Variants in PHKB observed in about 807,000 individuals in gnomAD.
PHKB encodes the protein phosphorylase kinase regulatory subunit beta, also known as phosphorylase b kinase regulatory subunit beta.
In PHKB, 122 loss-of-function variants were observed where a neutral mutation model predicts 152.1. That is an observed-to-expected ratio of 0.80 (90% CI 0.69 to 0.93). PHKB has a LOEUF of 0.93. Ranked by LOEUF, PHKB falls within the 40% of genes least tolerant of loss-of-function variation. PHKB has a pLI of 0.00. For synonymous variants in PHKB, 436 were observed against 464.9 expected, an observed-to-expected ratio of 0.94 and a Z score of 0.80; for missense variants, 1,304 against 1,328.4, an observed-to-expected ratio of 0.98 and a Z score of 0.29.
chr16:47,569,133 A>G (rs1271122064), intron 7 of PHKB, among the ~76,000 whole-genome samples: 1 of 152,120 alleles, frequency 6.6e-6, no homozygotes, highest in Non-Finnish European at 1.5e-5. Flanking sequence ...GTCTCCTACT[A>G]TTATTGTCTT....
At chr16:47,687,401 C>G (rs963524135) in intron 26 of PHKB, among the ~76,000 whole-genome samples, 4 of 152,140 alleles carry the variant, frequency 2.6e-5, no homozygotes, top group Admixed American at 1.3e-4. Flanking sequence ...TTGCTAAATA[C>G]AGTCAATAAG....
rs1248013100 is a variant in PHKB at position 47,644,174 on chromosome 16, A to G, written c.1608+2482A>G. ...CATTTATTTCTGAAAATTTGAAACT[A>G]TTAATATATGAGGGAAAGGGGGCTG... On this transcript the variant is annotated intron_variant, in intron 16 of 30. Transcript: ENST00000323584. 2.0e-5 allele frequency among the ~76,000 whole-genome samples: 3 copies of G among 152,186 alleles called. No homozygotes were observed. In the East Asian group the frequency reaches 5.8e-4, roughly 29 times the overall value.
At chr16:47,543,127 G>T (rs1201571725) in intron 6 of PHKB, among the ~76,000 whole-genome samples, 1 of 152,134 alleles carries the variant, frequency 6.6e-6, no homozygotes, top group East Asian at 1.9e-4. Flanking sequence ...GTGTGATATT[G>T]GCTGTGGGTT....
chr16:47,579,088 C>T (rs1971798591), intron 7 of PHKB, among the ~76,000 whole-genome samples: 1 of 152,014 alleles, frequency 6.6e-6, no homozygotes, highest in African/African-American at 2.4e-5. Flanking sequence ...GCCTTCTACC[C>T]ATGTTTCTAA....
intron 30 of PHKB, among the ~76,000 whole-genome samples, chr16:47,698,854 A>G (rs1349145190): frequency 6.6e-6 from 1 of 152,118 alleles, no homozygotes; most frequent in Non-Finnish European, 1.5e-5. Context: ...AAAATGTTTT[A>G]TCAGAGAGGA....
intron 6 of PHKB, among the ~76,000 whole-genome samples, chr16:47,546,086 A>G (rs566735671): frequency 1.1e-4 from 17 of 152,296 alleles, no homozygotes; most frequent in African/African-American, 3.6e-4. Context: ...TCTGAAGCCT[A>G]CTTCTTTGAA....
At chr16:47,491,967 A>T (rs1290295586) in intron 1 of PHKB, among the ~76,000 whole-genome samples, 1 of 152,176 alleles carries the variant, frequency 6.6e-6, no homozygotes, top group African/African-American at 2.4e-5. Context: ...TTAATACCTG[A>T]CTTTAGCCAG....
At chr16:47,476,075 GC>G (rs1969863150) in intron 1 of PHKB, among the ~76,000 whole-genome samples, 1 of 151,726 alleles carries the variant, frequency 6.6e-6, no homozygotes, top group African/African-American at 2.4e-5. Context: ...TTGCTATGTT[GC>G]CCAAGCTGGT....
chr16:47,509,280 A>G (rs1407014481), intron 4 of PHKB, among the ~76,000 whole-genome samples: 2 of 152,226 alleles, frequency 1.3e-5, no homozygotes, highest in Admixed American at 1.3e-4. Flanking sequence ...AGGGATAGTC[A>G]TCTTCTCTGA....
chr16:47,477,090 A>G (rs956398002), intron 1 of PHKB, among the ~76,000 whole-genome samples: 2 of 152,122 alleles, frequency 1.3e-5, no homozygotes, highest in African/African-American at 4.8e-5. Context: ...GGTGCACTCC[A>G]TAATCTTTTA....
chr16:47,693,427 A>G lies in PHKB; in HGVS notation c.2815A>G (p.Thr939Ala), dbSNP rs1460203480. 1.9e-6 allele frequency: 3 copies of G among 1,613,496 alleles called. No individual in the cohort carries two copies. Among genetic ancestry groups the G allele is most frequent in the South Asian group, 2.2e-5 (2 of 91,070 alleles). Residue 939 changes from threonine to alanine, a missense_variant, in exon 28 of 31, where the codon ACC becomes GCC. Thr to Ala is a moderately conservative substitution (Grantham distance 58, BLOSUM62 0). Coordinates refer to ENST00000323584, the MANE Select transcript of PHKB (RefSeq NM_000293.3). ...CGATGGGTCTTTGAATAGAACTCCCACCGGGTTCTATGACCGAGTGTGGCA... is the reference window on the plus strand; with the variant it reads ...CGATGGGTCTTTGAATAGAACTCCCGCCGGGTTCTATGACCGAGTGTGGCA... ...QIDGSLNRTP[T>A]GFYDRVWQIL...
chr16:47,521,091 AATTG>A (rs1295907238), intron 6 of PHKB, among the ~76,000 whole-genome samples: 1 of 152,148 alleles, frequency 6.6e-6, no homozygotes, highest in African/African-American at 2.4e-5. Flanking sequence ...GATTTTTATA[AATTG>A]ATCTTGTGTT....
At chr16:47,625,128 A>G (rs973563284) in intron 14 of PHKB, among the ~76,000 whole-genome samples, 14 of 152,124 alleles carry the variant, frequency 9.2e-5, no homozygotes, top group Non-Finnish European at 1.8e-4. Context: ...ACTTCACTAT[A>G]GTCCAGGTCA....
At chr16:47,522,272 G>T (rs1193361828) in intron 6 of PHKB, among the ~76,000 whole-genome samples, 1 of 152,050 alleles carries the variant, frequency 6.6e-6, no homozygotes, top group African/African-American at 2.4e-5. Context: ...AGTTTTAGTA[G>T]TTTGTGTTTC....
In PHKB at chr16:47,596,550, G is replaced by A; in HGVS notation, c.1363+19G>A. 1 of 1,609,586 alleles carries A rather than the reference G, an allele frequency of 6.2e-7. No homozygotes were observed. The highest frequency in any genetic ancestry group is 8.5e-7 in the Non-Finnish European group (1 of 1,176,402). ...CTCCTGGGTAAGTGGAGAAGATTGGGAATGGTATTTTTTTCCTTGTTATTA... is the reference window on the plus strand; with the variant it reads ...CTCCTGGGTAAGTGGAGAAGATTGGAAATGGTATTTTTTTCCTTGTTATTA... On this transcript the variant is annotated intron_variant, in intron 13 of 30. Coordinates refer to ENST00000323584, the MANE Select transcript of PHKB (RefSeq NM_000293.3).
At chr16:47,490,432 A>C (rs1042417668) in intron 1 of PHKB, among the ~76,000 whole-genome samples, 5 of 152,212 alleles carry the variant, frequency 3.3e-5, no homozygotes, top group Admixed American at 1.3e-4. Context: ...AAATTTTAGA[A>C]ATTCCATACA....
At chr16:47,540,831 T>TG (rs1267287687) in intron 6 of PHKB, among the ~76,000 whole-genome samples, 1 of 144,116 alleles carries the variant, frequency 6.9e-6, no homozygotes, top group African/African-American at 2.6e-5. Context: ...TTTTTTTTTT[T>TG]TTTTTTTTTT....
intron 14 of PHKB, among the ~76,000 whole-genome samples, chr16:47,623,586 C>T (rs752196257): frequency 1.6e-5 from 2 of 123,164 alleles, no homozygotes; most frequent in Admixed American, 9.8e-5. Flanking sequence ...TTTCTTGAGA[C>T]GGAGTCTTGC....
At chr16:47,655,729 A>G (rs886617107) in intron 20 of PHKB, among the ~76,000 whole-genome samples, 1 of 152,210 alleles carries the variant, frequency 6.6e-6, no homozygotes, top group Non-Finnish European at 1.5e-5. Context: ...AGACCTTAAG[A>G]TATTTCATCT....
Sources: allele counts gnomAD v4.1 joint callset (sites outside exome capture counted in the v4.1 genomes callset), GRCh38; gene constraint gnomAD v4.1.1; transcripts MANE v1.5; gene names NCBI Gene and HGNC (gene_info 2026-07-23, HGNC 2026-07-21).